LRRC4C: variants seen among roughly 807,000 people sequenced by gnomAD.
LRRC4C encodes the protein leucine-rich repeat-containing protein 4C.
LRRC4C carries 5 observed loss-of-function variants against 33.6 expected under a neutral mutation model. That is an observed-to-expected ratio of 0.15 (90% CI 0.08 to 0.31). The LOEUF (loss-of-function observed/expected upper bound fraction) is 0.31. LRRC4C is among the 10% of genes least tolerant of loss of function. LRRC4C has a pLI of 1.00. For synonymous variants in LRRC4C, 329 were observed against 302.0 expected, an observed-to-expected ratio of 1.09 and a Z score of -0.93; for missense variants, 560 against 796.7, an observed-to-expected ratio of 0.70 and a Z score of 3.58.
chr11:41,419,126 C>T (rs1296214844), intron 1 of LRRC4C, among the ~76,000 whole-genome samples: 1 of 151,780 alleles, frequency 6.6e-6, no homozygotes, highest in African/African-American at 2.4e-5. Flanking sequence ...TGTAACATTA[C>T]TAAATACAAA....
intron 5 of LRRC4C, among the ~76,000 whole-genome samples, chr11:40,229,975 T>C (rs537881357): frequency 1.1e-3 from 161 of 152,334 alleles, no homozygotes; most frequent in Admixed American, 2.9e-3. Context: ...TTCTTTCCAA[T>C]GATGAATCTC....
chr11:40,450,418 C>G lies in LRRC4C; in HGVS notation c.-269-130697G>C, dbSNP rs554368774. Among the ~76,000 whole-genome samples, 3 of 152,080 alleles carry G rather than the reference C, an allele frequency of 2.0e-5. No homozygotes were observed. In the East Asian group the frequency reaches 5.8e-4, roughly 29 times the overall value. ...ATGTGTGGATTTCTATATTATAGCT[C>G]ATAGGTAAAAATATTTATTATATTA... On this transcript the variant is annotated intron_variant, in intron 3 of 6. Coordinates refer to ENST00000528697, the MANE Select transcript of LRRC4C (RefSeq NM_001258419.2).
At chr11:40,401,147 G>A (rs1199698981) in intron 3 of LRRC4C, among the ~76,000 whole-genome samples, 1 of 150,062 alleles carries the variant, frequency 6.7e-6, no homozygotes, top group Non-Finnish European at 1.5e-5. Context: ...CACATGGTGA[G>A]CAGGAATAGG....
At chr11:40,384,419 T>C (rs2137384759) in intron 3 of LRRC4C, among the ~76,000 whole-genome samples, 1 of 152,320 alleles carries the variant, frequency 6.6e-6, no homozygotes, top group East Asian at 1.9e-4. Flanking sequence ...CATTTGATCA[T>C]GTGCTATGAG....
At chr11:40,711,245 G>A (rs1946450354) in intron 2 of LRRC4C, among the ~76,000 whole-genome samples, 1 of 152,146 alleles carries the variant, frequency 6.6e-6, no homozygotes, top group African/African-American at 2.4e-5. Context: ...TACCTCAGTT[G>A]GAGATGCAGA....
intron 1 of LRRC4C, among the ~76,000 whole-genome samples, chr11:41,057,152 C>G (rs1166092719): frequency 6.6e-6 from 1 of 152,204 alleles, no homozygotes; most frequent in Non-Finnish European, 1.5e-5. Context: ...CCTTCGCAGG[C>G]TTGGAAATGC....
intron 1 of LRRC4C, among the ~76,000 whole-genome samples, chr11:41,235,539 T>G (rs898918595): frequency 2.0e-5 from 3 of 152,098 alleles, no homozygotes; most frequent in African/African-American, 7.2e-5. Flanking sequence ...ATTGAAATAG[T>G]CATAGTCTCT....
At chr11:40,955,043 C>T (rs1429585171) in intron 1 of LRRC4C, among the ~76,000 whole-genome samples, 1 of 151,824 alleles carries the variant, frequency 6.6e-6, no homozygotes. Context: ...GATGAAACAT[C>T]ATCTCACTCC....
intron 2 of LRRC4C, among the ~76,000 whole-genome samples, chr11:40,868,723 A>C (rs1224298672): frequency 6.6e-6 from 1 of 152,156 alleles, no homozygotes; most frequent in Non-Finnish European, 1.5e-5. Flanking sequence ...TGTAATATAT[A>C]ATCAAAGATG....
intron 4 of LRRC4C, among the ~76,000 whole-genome samples, chr11:40,273,654 G>A (rs975067733): frequency 1.3e-5 from 2 of 151,916 alleles, no homozygotes; most frequent in African/African-American, 4.8e-5. Context: ...CTACTTTCAG[G>A]GTTTGAAAGA....
intron 2 of LRRC4C, among the ~76,000 whole-genome samples, chr11:40,743,354 G>C (rs886309850): frequency 3.4e-4 from 52 of 152,078 alleles, no homozygotes; most frequent in African/African-American, 1.2e-3. Flanking sequence ...ATCATAAGCT[G>C]TTGGCTTAAA....
chr11:40,821,610 C>T (rs1565100552), intron 2 of LRRC4C, among the ~76,000 whole-genome samples: 1 of 151,346 alleles, frequency 6.6e-6, no homozygotes. Flanking sequence ...CCAATTTTCC[C>T]TAATATTTGT....
intron 3 of LRRC4C, among the ~76,000 whole-genome samples, chr11:40,348,467 C>G (rs1295377392): frequency 1.3e-5 from 2 of 152,122 alleles, no homozygotes; most frequent in African/African-American, 2.4e-5. Flanking sequence ...ACATTTAAGT[C>G]CAAAATCACG....
chr11:40,924,932 T>C (rs911975777), intron 2 of LRRC4C, among the ~76,000 whole-genome samples: 2 of 152,180 alleles, frequency 1.3e-5, no homozygotes, highest in Non-Finnish European at 2.9e-5. Context: ...ACTTCTGTCA[T>C]TGTTTGATCA....
intron 3 of LRRC4C, among the ~76,000 whole-genome samples, chr11:40,519,613 A>G (rs1356381538): frequency 2.6e-5 from 4 of 152,164 alleles, no homozygotes; most frequent in Non-Finnish European, 5.9e-5. Flanking sequence ...TTCTATTTAG[A>G]TGACTAACTG....
intron 1 of LRRC4C, among the ~76,000 whole-genome samples, chr11:41,145,146 A>G (rs915515009): frequency 6.6e-6 from 1 of 152,162 alleles, no homozygotes; most frequent in Non-Finnish European, 1.5e-5. Flanking sequence ...TTAAAGTTCT[A>G]TTATAGCTTT....
chr11:40,128,225 C>A (rs1014997331), intron 6 of LRRC4C, among the ~76,000 whole-genome samples: 1 of 152,124 alleles, frequency 6.6e-6, no homozygotes. Flanking sequence ...ACACTGAAAG[C>A]GAATCCCCAA....
chr11:41,312,201 C>G (rs577468768), intron 1 of LRRC4C, among the ~76,000 whole-genome samples: 1 of 152,168 alleles, frequency 6.6e-6, no homozygotes, highest in South Asian at 2.1e-4. Context: ...TTTCCCATAC[C>G]CTCTGCCTAC....
chr11:40,240,689 TA>T (rs1415825007), intron 5 of LRRC4C, among the ~76,000 whole-genome samples: 1 of 152,194 alleles, frequency 6.6e-6, no homozygotes, highest in Non-Finnish European at 1.5e-5. Context: ...TTCAACTAAC[TA>T]AAACCTATAT....
Sources: gnomAD v4.1 joint callset for allele counts (sites outside exome capture counted in the v4.1 genomes callset) on GRCh38, gnomAD v4.1.1 for gene constraint, MANE v1.5 for transcripts, NCBI Gene and HGNC (gene_info 2026-07-23, HGNC 2026-07-21) for gene names.